The following BAG6 variants were observed in gnomAD, a reference collection of about 807,000 sequenced individuals.
BAG6 encodes the protein BAG cochaperone 6.
In BAG6, 22 loss-of-function variants were observed where a neutral mutation model predicts 121.0. That is an observed-to-expected ratio of 0.18 (90% CI 0.13 to 0.26). The LOEUF (loss-of-function observed/expected upper bound fraction) is 0.26. BAG6 is among the 10% of genes least tolerant of loss of function. The pLI, the probability that BAG6 is intolerant of heterozygous loss-of-function variation, is 1.00. For missense variants in BAG6, 1,233 were observed against 1,537.7 expected, an observed-to-expected ratio of 0.80 and a Z score of 3.31; for synonymous variants, 583 against 584.6, an observed-to-expected ratio of 1.00 and a Z score of 0.04.
Position 31,642,836 on chromosome 6 carries a change from A to C in BAG6, c.2036T>G (p.Phe679Cys). ...VPAFLQGMTD[F>C]LQATQTAPPP... is the part of the protein sequence containing the mutation. ...GGCAAGCCAGCCACTCACCTGCAAG[A>C]AGTCAGTCATGCCTTGGAGAAAGGC... The change falls in exon 15 of 26, where the codon TTC becomes TGC. Residue 679 changes from phenylalanine to cysteine, a missense_variant. Phe to Cys is a radical substitution (Grantham distance 205, BLOSUM62 -2). This residue lies in a region of BAG6 where 777 missense variants were observed against 861.4 expected (regional missense o/e 0.90). Coordinates refer to ENST00000676615, the MANE Select transcript of BAG6 (RefSeq NM_001387994.1). 1.9e-6 allele frequency: 3 copies of C among 1,612,090 alleles called. No homozygotes were observed. The highest frequency in any genetic ancestry group is 2.5e-6 in the Non-Finnish European group (3 of 1,179,194).
rs9281540 is a variant in BAG6, at chr6:31,643,721, C to CAAAAA, written c.1756+164_1756+168dup. Among the ~76,000 whole-genome samples the CAAAAA allele has an allele frequency of 1.3e-3, 83 of 66,240 alleles. 3 individuals are homozygous for CAAAAA. Among genetic ancestry groups the CAAAAA allele is most frequent in the East Asian group, 1.5e-3 (4 of 2,586 alleles). 43.5% of individuals were successfully genotyped at this position (66,240 alleles called of 152,430 possible). ...CTAGCAACAGAGTGAGACTCCATCT[C>CAAAAA]AAAAAAAAAAAAAAAAAAAAAAAAA... is the stretch of plus-strand genomic sequence containing the variant. On this transcript the variant is annotated intron_variant, in intron 14 of 25. Transcript: ENST00000676615.
chr6:31,640,983 CTT>C lies in BAG6; in HGVS notation c.2788-47_2788-46del, dbSNP rs906797645. On this transcript the variant is annotated intron_variant, in intron 20 of 25. Coordinates refer to ENST00000676615, the MANE Select transcript of BAG6 (RefSeq NM_001387994.1). This position sits in a 1 kb window ranked among gnomAD's most constrained non-coding sequence, Gnocchi z 4.2. ...TTTAGAACACAAAACCCTCAACCAC[CTT>C]TAGAAATAGATTAGATCCAGGTTAC... The C allele has an allele frequency of 3.2e-5, 51 of 1,603,692 alleles. No homozygotes were observed. The highest frequency in any genetic ancestry group is 4.2e-5 in the Non-Finnish European group (49 of 1,174,498).
Position 31,649,372 on chromosome 6 carries a change from G to A in BAG6, c.250C>T (p.Leu84=), listed in dbSNP as rs775084207. 27 of 1,607,626 alleles carry A rather than the reference G, an allele frequency of 1.7e-5. No homozygotes were observed. The South Asian group carries it at 2.4e-4, about 14-fold the overall frequency. ...GTCTGAGGAGGAGCCCGTTCCACCA[G>A]GTGGATAACCTTTCCCCCAACATCT... ...EYNVGGKVIH[L]VERAPPQTHL... Residue 84 remains leucine (L), a synonymous_variant, in exon 4 of 26, where the codon CTG becomes TTG. Coordinates refer to ENST00000676615, the MANE Select transcript of BAG6 (RefSeq NM_001387994.1).
In BAG6 at chr6:31,645,152, G is replaced by A. The variant is rs544232605; in HGVS notation, c.1163C>T (p.Pro388Leu). The part of the protein sequence containing the change: ...TVTMTGNGTR[P>L]PPTPNAEAPP... ...TGCCTCTGCATTGGGAGTTGGGGGGGGCCGAGTCCCATTTCCTGTCATGGT... is the reference window on the plus strand; with the variant it reads ...TGCCTCTGCATTGGGAGTTGGGGGGAGCCGAGTCCCATTTCCTGTCATGGT... Residue 388 changes from proline (P) to leucine (L), a missense_variant, in exon 10 of 26, where the codon CCC (proline) becomes CTC (leucine). Physicochemically the swap from Pro to Leu is moderately conservative, Grantham distance 98. Transcript: ENST00000676615. 6.4e-5 allele frequency: 103 copies of A among 1,612,760 alleles called. No homozygotes were observed. The East Asian group carries it at 1.9e-3, about 30-fold the overall frequency.
chr6:31,645,697 T>C (rs1788331319), intron 8 of BAG6, 93 bp from the exon 9 acceptor site: 2 of 1,460,998 alleles, frequency 1.4e-6, no homozygotes, highest in South Asian at 2.4e-5. Context: ...GAGAATACCA[T>C]GTCCTCCAAA....
intron 8 of BAG6, among the ~76,000 whole-genome samples, chr6:31,646,120 G>A (rs1192942803): frequency 6.6e-6 from 1 of 152,078 alleles, no homozygotes; most frequent in African/African-American, 2.4e-5. Context: ...TGAGTAGCTG[G>A]GATTACAGGT....
Position 31,642,893 on chromosome 6 carries a change from GGA to G in BAG6, c.1977_1978del (p.Pro660HisfsTer18). On this transcript the variant is annotated frameshift_variant, in exon 15 of 26. Coordinates refer to ENST00000676615, the MANE Select transcript of BAG6 (RefSeq NM_001387994.1). LOFTEE classifies it high-confidence loss of function. The stretch of plus-strand genomic sequence containing the variant: ...ACCAGGCATCGCCACAGTGATGGTG[GGA>G]GAAGCCACACCAGACCCTCCAGCCC... 1 of 1,611,926 alleles carries G rather than the reference GGA, an allele frequency of 6.2e-7. No homozygotes were observed. Among genetic ancestry groups the G allele is most frequent in the Non-Finnish European group, 8.5e-7 (1 of 1,179,368 alleles).
chr6:31,640,567 T>G lies in BAG6; in HGVS notation c.2995-39A>C, dbSNP rs1457393550. ...GGCGGGAAGAGCCAGGCTTCAGAAT[T>G]TTTAGCCTCCAAACCTTTCTCCCCC... On this transcript the variant is annotated intron_variant, in intron 22 of 25. Coordinates refer to ENST00000676615, the MANE Select transcript of BAG6 (RefSeq NM_001387994.1). This position sits in a 1 kb window ranked among gnomAD's most constrained non-coding sequence, Gnocchi z 4.2. The G allele has an allele frequency of 6.2e-7, 1 of 1,612,448 alleles. No individual in the cohort carries two copies.
At position 31,652,656 on chromosome 6, in the gene BAG6, G is replaced by C. The variant is rs573538530; in HGVS notation, c.-246C>G. ...TCGCCCGGGGGACCGTACTACGCCT[G>C]CGTGCGTCGCACTACGGATGCGTGG... On this transcript the variant is annotated 5_prime_UTR_variant, in exon 1 of 26. Coordinates refer to ENST00000676615, the MANE Select transcript of BAG6 (RefSeq NM_001387994.1). 1 of 152,704 alleles carries C rather than the reference G, an allele frequency of 6.5e-6. No homozygotes were observed. Among genetic ancestry groups the C allele is most frequent in the Non-Finnish European group, 1.5e-5 (1 of 68,222 alleles). 9.5% of individuals were successfully genotyped at this position (152,704 alleles called of 1,614,324 possible).
At chr6:31,650,864 ATAGC>A (rs1219846131) in intron 2 of BAG6, among the ~76,000 whole-genome samples, 1 of 152,194 alleles carries the variant, frequency 6.6e-6, no homozygotes, top group Middle Eastern at 3.2e-3. Flanking sequence ...AAAGACACAG[ATAGC>A]TATGTCCAAG....
chr6:31,639,501 T>C lies in BAG6; in HGVS notation c.3392A>G (p.Gln1131Arg). The C allele has an allele frequency of 6.2e-7, 1 of 1,612,912 alleles. No homozygotes were observed. The highest frequency in any genetic ancestry group is 8.5e-7 in the Non-Finnish European group (1 of 1,179,168). Reference sequence around the variant, plus strand: ...CCCTATTCTGCTTCAAGGTGGCACCTGCTGCCTGTAGCTCTCCTGAACCTC... The same window carrying C: ...CCCTATTCTGCTTCAAGGTGGCACCCGCTGCCTGTAGCTCTCCTGAACCTC... ...APEVQESYRQ[Q>R]LRSDIQKRLQ... The change falls in exon 25 of 26, where the codon CAG becomes CGG. Residue 1131 changes from glutamine to arginine, a missense_variant and splice_region_variant. Gln to Arg is a conservative substitution (Grantham distance 43). Coordinates refer to ENST00000676615, the MANE Select transcript of BAG6 (RefSeq NM_001387994.1).
chr6:31,644,610 G>A lies in BAG6; in HGVS notation c.1370-8C>T, dbSNP rs775767991. 2 of 1,612,320 alleles carry A rather than the reference G, an allele frequency of 1.2e-6. No individual in the cohort carries two copies. The highest frequency in any genetic ancestry group is 1.1e-5 in the South Asian group (1 of 90,926). ...CAGGCTGTGTGCCAGAATCTGGGCA[G>A]GGAGACAGAGACAGTGGCCCTGAGG... On this transcript the variant is annotated splice_polypyrimidine_tract_variant and splice_region_variant and intron_variant, in intron 10 of 25. Coordinates refer to ENST00000676615, the MANE Select transcript of BAG6 (RefSeq NM_001387994.1). This position sits in a 1 kb window ranked among gnomAD's most constrained non-coding sequence, Gnocchi z 4.9.
intron 15 of BAG6, 101 bp from the exon 16 acceptor site, chr6:31,642,504 A>G: frequency 1.5e-6 from 1 of 656,010 alleles, no homozygotes; most frequent in Non-Finnish European, 2.6e-6. Context: ...GGGTCTGGGA[A>G]GATGGGGAGT....
At chr6:31,649,087 C>G (rs1395859254) in intron 4 of BAG6, 112 bp downstream of exon 4, 3 of 1,515,630 alleles carry the variant, frequency 2.0e-6, no homozygotes, top group Non-Finnish European at 9.0e-7. Context: ...TAGCACACCA[C>G]AGGGCCCCCT....
At position 31,649,367 on chromosome 6, in the gene BAG6, C is replaced by T; in HGVS notation, c.255G>A (p.Val85=). The change falls in exon 4 of 26, where the codon GTG becomes GTA. Residue 85 remains valine, a synonymous_variant. Transcript: ENST00000676615. ...YNVGGKVIHL[V]ERAPPQTHLP... ...GGTGAGTCTGAGGAGGAGCCCGTTC[C>T]ACCAGGTGGATAACCTTTCCCCCAA... is the stretch of plus-strand genomic sequence containing the variant. 1 of 1,608,134 alleles carries T rather than the reference C, an allele frequency of 6.2e-7. No homozygotes were observed.
chr6:31,645,237 A>C (rs760281910), intron 9 of BAG6, 39 bp from the exon 10 acceptor site: 5 of 1,600,642 alleles, frequency 3.1e-6, no homozygotes, highest in Non-Finnish European at 4.3e-6. Context: ...TGAGAAAAAT[A>C]CAAGAGCCTA....
intron 14 of BAG6, among the ~76,000 whole-genome samples, chr6:31,643,585 G>A (rs1785154450): frequency 4.0e-5 from 6 of 151,276 alleles, no homozygotes; most frequent in Admixed American, 2.6e-4. Context: ...TTAGCTGGGC[G>A]TGGTGGCGTG....
rs1271588821 is a variant in BAG6, at chr6:31,640,141, C to T, written c.3246+58G>A. On this transcript the variant is annotated intron_variant, in intron 24 of 25. Transcript: ENST00000676615. The surrounding 1 kb of genome is among the most constrained non-coding windows in gnomAD (Gnocchi z 4.2). ...CCCACCATCTCTACATAGTTTGATTCCAGGCATGACGGGGAAACCTGGATA... is the reference window on the plus strand; with the variant it reads ...CCCACCATCTCTACATAGTTTGATTTCAGGCATGACGGGGAAACCTGGATA... 2.6e-6 allele frequency: 4 copies of T among 1,543,616 alleles called. No homozygotes were observed. The highest frequency in any genetic ancestry group is 1.8e-6 in the Non-Finnish European group (2 of 1,118,550).
chr6:31,649,343 G>C lies in BAG6; in HGVS notation c.279C>G (p.His93Gln). 1 of 1,612,934 alleles carries C rather than the reference G, an allele frequency of 6.2e-7. No individual in the cohort carries two copies. The highest frequency in any genetic ancestry group is 1.1e-5 in the South Asian group (1 of 90,966). ...TCCCAGAAGATGCCCCAGAAGGGAG[G>C]TGAGTCTGAGGAGGAGCCCGTTCCA... ...HLVERAPPQT[H>Q]LPSGASSGTG... Residue 93 changes from histidine to glutamine, a missense_variant, in exon 4 of 26, where the codon CAC becomes CAG. His to Gln is a conservative substitution (Grantham distance 24). Transcript: ENST00000676615.
Sources: allele counts gnomAD v4.1 joint callset (sites outside exome capture counted in the v4.1 genomes callset), GRCh38; gene constraint gnomAD v4.1.1; regional missense constraint gnomAD v4.1.1; non-coding constraint Gnocchi (gnomAD v3.1); transcripts MANE v1.5; gene names NCBI Gene and HGNC (gene_info 2026-07-23, HGNC 2026-07-21).